The following HDAC9 variants were observed in gnomAD, a reference collection of about 807,000 sequenced individuals.
HDAC9 encodes MEF-2 interacting transcription repressor (MITR) protein.
Under a neutral mutation model 139.4 loss-of-function variants are expected in HDAC9, and 41 were observed. The observed-to-expected ratio is 0.29, with a 90% CI of 0.23 to 0.38. The LOEUF (loss-of-function observed/expected upper bound fraction) is 0.38, where lower values mean the gene tolerates loss of function less well. Among genes scored for constraint, HDAC9 ranks in the 10% least tolerant of loss-of-function variants. The pLI is 1.00. For synonymous variants in HDAC9, 517 were observed against 476.2 expected, an observed-to-expected ratio of 1.09 and a Z score of -1.12; for missense variants, 1,147 against 1,297.0, an observed-to-expected ratio of 0.88 and a Z score of 1.78.
chr7:18,502,000 G>A (rs1238453841), intron 2 of HDAC9, among the ~76,000 whole-genome samples: 1 of 152,138 alleles, frequency 6.6e-6, no homozygotes, highest in African/African-American at 2.4e-5. Flanking sequence ...CAGCATTCAG[G>A]TCCTTCATAT....
intron 1 of HDAC9, among the ~76,000 whole-genome samples, chr7:18,152,322 T>TA (rs1786842561): frequency 6.6e-6 from 1 of 152,214 alleles, no homozygotes; most frequent in African/African-American, 2.4e-5. Context: ...GAATGGTAAA[T>TA]AATTTGCCTG....
chr7:18,597,864 G>C (rs757239867), intron 6 of HDAC9, among the ~76,000 whole-genome samples: 4 of 152,018 alleles, frequency 2.6e-5, no homozygotes, highest in Non-Finnish European at 4.4e-5. Flanking sequence ...GACTTTTCCA[G>C]CCCCACTGAA....
At chr7:18,849,850 C>T (rs1025262716) in intron 21 of HDAC9, among the ~76,000 whole-genome samples, 1 of 152,036 alleles carries the variant, frequency 6.6e-6, no homozygotes, top group African/African-American at 2.4e-5. Context: ...TGGGAGTGGA[C>T]CCTATGCGTA....
At chr7:18,782,461 G>T (rs1338766253) in intron 16 of HDAC9, among the ~76,000 whole-genome samples, 2 of 151,980 alleles carry the variant, frequency 1.3e-5, no homozygotes, top group Non-Finnish European at 2.9e-5. Flanking sequence ...ATCATGTGCG[G>T]CTTTTCAGAG....
At chr7:18,205,783 A>G (rs1411584840) in intron 2 of HDAC9, among the ~76,000 whole-genome samples, 3 of 152,298 alleles carry the variant, frequency 2.0e-5, no homozygotes, top group East Asian at 1.9e-4. Context: ...CATGTTAAAC[A>G]TACGCATCTT....
chr7:18,167,245 T>C (rs545436827), intron 2 of HDAC9, among the ~76,000 whole-genome samples: 184 of 152,266 alleles, frequency 1.2e-3, no homozygotes, highest in Middle Eastern at 6.8e-3. Flanking sequence ...TTCATTCTTT[T>C]GCCATTTGTA....
chr7:18,326,824 C>A (rs747266669), intron 1 of HDAC9, among the ~76,000 whole-genome samples: 1 of 151,836 alleles, frequency 6.6e-6, no homozygotes, highest in Non-Finnish European at 1.5e-5. Flanking sequence ...TGCAGAAATC[C>A]GAGGTCTTCA....
chr7:18,230,953 G>A (rs1356118123), intron 2 of HDAC9, among the ~76,000 whole-genome samples: 3 of 152,152 alleles, frequency 2.0e-5, no homozygotes, highest in Non-Finnish European at 4.4e-5. Flanking sequence ...ATTTTAAATA[G>A]TGAGAAAAGT....
At chr7:18,652,929 G>T (rs1789784327) in intron 11 of HDAC9, among the ~76,000 whole-genome samples, 1 of 152,030 alleles carries the variant, frequency 6.6e-6, no homozygotes, top group Admixed American at 6.6e-5. Flanking sequence ...AGCAGGAAGT[G>T]AATTATTGAA....
In HDAC9 at chr7:18,578,364, C is replaced by T. The variant is rs536964332; in HGVS notation, c.23-6917C>T. Among the ~76,000 whole-genome samples the T allele has an allele frequency of 4.6e-5, 7 of 152,318 alleles. No individual in the cohort carries two copies. In the East Asian group the frequency reaches 1.2e-3, roughly 25 times the overall value. ...CTACTGAGCAGAGGCGATCAGCTTT[C>T]CCCAGGTGGATTTTGGGCCATGTTA... On this transcript the variant is annotated intron_variant, in intron 2 of 25. Coordinates refer to ENST00000686413, the MANE Select transcript of HDAC9 (RefSeq NM_178425.4).
intron 1 of HDAC9, among the ~76,000 whole-genome samples, chr7:18,423,845 C>CA (rs1344767259): frequency 5.3e-5 from 8 of 152,174 alleles, no homozygotes; most frequent in African/African-American, 1.9e-4. Context: ...CAAAGCAAGT[C>CA]ACAGTGCCAG....
rs561519078 is a variant in HDAC9, at chr7:18,317,461, T to C, written c.-42+26946T>C. Among the ~76,000 whole-genome samples the C allele has an allele frequency of 4.6e-5, 7 of 152,346 alleles. No individual in the cohort carries two copies. The South Asian group carries it at 1.2e-3, about 27-fold the overall frequency. Reference sequence around the variant, plus strand: ...TTAAGTATGCTTGACTTGTGTCTGATAAATTTGAATCTTAAAACGGACTTT... The same window carrying C: ...TTAAGTATGCTTGACTTGTGTCTGACAAATTTGAATCTTAAAACGGACTTT... On this transcript the variant is annotated intron_variant, in intron 1 of 3. Transcript: ENST00000413509.
At chr7:18,627,174 C>T (rs1364431610) in intron 6 of HDAC9, among the ~76,000 whole-genome samples, 1 of 152,158 alleles carries the variant, frequency 6.6e-6, no homozygotes, top group East Asian at 1.9e-4. Context: ...GGAAAGTTGT[C>T]CCATGCAGAC....
chr7:18,402,577 T>C (rs1787645637), intron 1 of HDAC9, among the ~76,000 whole-genome samples: 1 of 152,178 alleles, frequency 6.6e-6, no homozygotes, highest in Non-Finnish European at 1.5e-5. Flanking sequence ...GCTAAGGAGC[T>C]GGACTTTTAT....
chr7:18,133,577 G>A (rs144606682), intron 1 of HDAC9, among the ~76,000 whole-genome samples: 3 of 152,242 alleles, frequency 2.0e-5, no homozygotes, highest in Admixed American at 2.0e-4. Flanking sequence ...GGATGCACAT[G>A]TTATTCAGCA....
intron 1 of HDAC9, among the ~76,000 whole-genome samples, chr7:18,487,446 G>T (rs1264162558): frequency 6.6e-6 from 1 of 151,992 alleles, no homozygotes; most frequent in Non-Finnish European, 1.5e-5. Flanking sequence ...CCTAGGTCAG[G>T]TGGTTGTCAA....
At chr7:18,367,726 G>A (rs1784296632) in intron 1 of HDAC9, among the ~76,000 whole-genome samples, 1 of 151,952 alleles carries the variant, frequency 6.6e-6, no homozygotes, top group African/African-American at 2.4e-5. Context: ...TCATAGGGTG[G>A]GTACATGTTC....
intron 1 of HDAC9, among the ~76,000 whole-genome samples, chr7:18,480,250 A>G (rs1175042110): frequency 6.6e-6 from 1 of 152,204 alleles, no homozygotes; most frequent in African/African-American, 2.4e-5. Flanking sequence ...AATCACCAGT[A>G]CATAGATAAA....
chr7:18,695,656 T>C (rs1033749549), intron 12 of HDAC9, among the ~76,000 whole-genome samples: 2 of 152,170 alleles, frequency 1.3e-5, no homozygotes, highest in Non-Finnish European at 2.9e-5. Context: ...TTGTGTTCCT[T>C]GGTATTCTAA....
Sources: gnomAD v4.1 joint callset for allele counts (sites outside exome capture counted in the v4.1 genomes callset) on GRCh38, gnomAD v4.1.1 for gene constraint, MANE v1.5 for transcripts, NCBI Gene and HGNC (gene_info 2026-07-23, HGNC 2026-07-21) for gene names.